KLRG1: variants seen among roughly 807,000 people sequenced by gnomAD.
The protein encoded by KLRG1 is killer cell lectin-like receptor subfamily G member 1.
In KLRG1, 16 loss-of-function variants were observed where a neutral mutation model predicts 21.8. The ratio of observed to expected loss-of-function variants is 0.73; its 90% CI spans 0.50 to 1.11. KLRG1 has a LOEUF of 1.11. Ranked by LOEUF, KLRG1 falls within the 50% of genes most tolerant of loss-of-function variation. The probability of loss-of-function intolerance (pLI) is 0.00; values close to 1 mark genes in which losing one functional copy is unlikely to be tolerated. For missense variants in KLRG1, 173 were observed against 218.3 expected (o/e 0.79, Z 1.31); for synonymous variants, 69 against 75.9 (o/e 0.91, Z 0.47).
the KLRG1 span, among the ~76,000 whole-genome samples, chr12:9,020,925 A>AGCC: frequency 1.9e-4 from 29 of 152,188 alleles, no homozygotes; most frequent in Non-Finnish European, 3.5e-4. Context: ...TAGATGGAAG[A>AGCC]GCCTACTACA....
chr12:9,110,395 A>G, the KLRG1 span: 4 of 1,110,702 alleles, frequency 3.6e-6, no homozygotes, highest in Non-Finnish European at 5.0e-6. Context: ...AATCTCATTT[A>G]TAAGCAAAGC....
chr12:8,973,612 G>A (rs943788716), intron 1 of KLRG1, among the ~76,000 whole-genome samples: 1 of 152,166 alleles, frequency 6.6e-6, no homozygotes, highest in Admixed American at 6.5e-5. Context: ...TAGGTATTTT[G>A]TTATAGAAGC....
the KLRG1 span, chr12:9,107,504 A>T: frequency 9.9e-6 from 16 of 1,613,202 alleles, no homozygotes; most frequent in African/African-American, 2.0e-4. Context: ...ATTCTCTAGA[A>T]AAAATAGTGT....
the KLRG1 span, chr12:9,091,502 G>C: frequency 2.1e-6 from 3 of 1,463,394 alleles, no homozygotes; most frequent in African/African-American, 4.2e-5. Flanking sequence ...GAATCCCTAG[G>C]AATGATTCTA....
At chr12:9,021,755 G>A in the KLRG1 span, among the ~76,000 whole-genome samples, 2 of 151,886 alleles carry the variant, frequency 1.3e-5, no homozygotes, top group Non-Finnish European at 2.9e-5. Context: ...GGCTACACAG[G>A]GTCAGGATCA....
At chr12:9,197,358 T>C in the KLRG1 span, among the ~76,000 whole-genome samples, 6 of 143,982 alleles carry the variant, frequency 4.2e-5, no homozygotes, top group Non-Finnish European at 9.0e-5. Context: ...TATATATTTA[T>C]ATAAATATTT....
upstream of KLRG1, among the ~76,000 whole-genome samples, chr12:8,985,023 T>C (rs139392389): frequency 3.7e-4 from 57 of 152,326 alleles, 1 homozygote; most frequent in East Asian, 7.3e-3. Context: ...ATTTCTCAAA[T>C]GTAAGAAATG....
the KLRG1 span, chr12:9,058,989 T>C: frequency 6.6e-6 from 1 of 152,506 alleles, no homozygotes; most frequent in African/African-American, 2.4e-5. Flanking sequence ...AAAGCTGGGG[T>C]TAAATTCATT....
At chr12:9,008,815 C>A (rs7302472) in intron 3 of KLRG1, among the ~76,000 whole-genome samples, 160 bp from the exon 4 acceptor site, 59,208 of 151,824 alleles carry the variant, frequency 0.39, 11,943 homozygotes, top group African/African-American at 0.51. Context: ...GATTTTAGGA[C>A]GCATTCAGTC....
At chr12:9,021,819 G>A in the KLRG1 span, among the ~76,000 whole-genome samples, 11,404 of 152,092 alleles carry the variant, frequency 0.075, 619 homozygotes, top group African/African-American at 0.15. Flanking sequence ...GGCCTTCTTC[G>A]GAAGTAAGGC....
the KLRG1 span, chr12:9,202,555 C>G: frequency 6.2e-7 from 1 of 1,614,124 alleles, no homozygotes; most frequent in Non-Finnish European, 8.5e-7. Context: ...ATGGGTTTGT[C>G]TGTCTGGACA....
At chr12:8,988,862 G>A (rs1313767866), upstream of KLRG1, among the ~76,000 whole-genome samples, 3 of 152,090 alleles carry the variant, frequency 2.0e-5, no homozygotes, top group Non-Finnish European at 2.9e-5. Flanking sequence ...GATTACAGGC[G>A]TGAGCCACCA....
the KLRG1 span, among the ~76,000 whole-genome samples, chr12:9,182,508 A>C: frequency 6.6e-6 from 1 of 152,210 alleles, no homozygotes; most frequent in Non-Finnish European, 1.5e-5. Context: ...AGATATAATA[A>C]GTTTATTTTG....
At chr12:9,090,852 G>A in the KLRG1 span, among the ~76,000 whole-genome samples, 1 of 152,218 alleles carries the variant, frequency 6.6e-6, no homozygotes, top group African/African-American at 2.4e-5. Flanking sequence ...GCTCACAAAC[G>A]ACTTTTAAAA....
At chr12:9,075,962 T>C in the KLRG1 span, among the ~76,000 whole-genome samples, 1 of 152,230 alleles carries the variant, frequency 6.6e-6, no homozygotes, top group South Asian at 2.1e-4. Flanking sequence ...AATTAATGGC[T>C]GTCAAAGGAA....
At chr12:8,969,276 T>C (rs1176175071) in intron 1 of KLRG1, among the ~76,000 whole-genome samples, 1 of 152,046 alleles carries the variant, frequency 6.6e-6, no homozygotes, top group African/African-American at 2.4e-5. Context: ...AGTGTGAAAA[T>C]GGTGAGTTGT....
chr12:9,159,560 G>C, the KLRG1 span, among the ~76,000 whole-genome samples: 1 of 151,970 alleles, frequency 6.6e-6, no homozygotes, highest in Non-Finnish European at 1.5e-5. Context: ...TAGATTAAAG[G>C]GCTATCATGA....
the KLRG1 span, among the ~76,000 whole-genome samples, chr12:9,214,937 A>G: frequency 6.0e-4 from 91 of 152,086 alleles, no homozygotes; most frequent in African/African-American, 2.1e-3. Flanking sequence ...AAAATCAGGT[A>G]TTTGATTTTT....
At chr12:9,214,557 A>G in the KLRG1 span, among the ~76,000 whole-genome samples, 4 of 152,074 alleles carry the variant, frequency 2.6e-5, no homozygotes, top group African/African-American at 9.6e-5. Flanking sequence ...TTAAAGGTTT[A>G]TAAAAGATTA....
Sources: gnomAD v4.1 joint callset for allele counts (sites outside exome capture counted in the v4.1 genomes callset) on GRCh38, gnomAD v4.1.1 for gene constraint, MANE v1.5 for transcripts, NCBI Gene and HGNC (gene_info 2026-07-23, HGNC 2026-07-21) for gene names.